The following KIAA1217 variants were observed in gnomAD, a reference collection of about 807,000 sequenced individuals.
KIAA1217 encodes the protein KIAA1217, also known as sickle tail protein homolog.
KIAA1217 carries 88 observed loss-of-function variants against 163.9 expected under a neutral mutation model. The observed-to-expected ratio is 0.54, with a 90% CI of 0.45 to 0.64. The LOEUF (loss-of-function observed/expected upper bound fraction) is 0.64, where lower values mean the gene tolerates loss of function less well. KIAA1217 is among the 30% of genes least tolerant of loss of function. The pLI, the probability that KIAA1217 is intolerant of heterozygous loss-of-function variation, is 0.00. For missense variants in KIAA1217, 2,372 were observed against 2,475.0 expected (o/e 0.96, Z 0.88); for synonymous variants, 903 against 923.1 (o/e 0.98, Z 0.39).
chr10:23,778,005 T>G (rs1835081190), intron 1 of KIAA1217, among the ~76,000 whole-genome samples: 1 of 151,462 alleles, frequency 6.6e-6, no homozygotes, highest in South Asian at 2.1e-4. Flanking sequence ...TGCAGTGGTG[T>G]GATCTCGGCT....
At chr10:24,396,126 C>T (rs892276314) in intron 3 of KIAA1217, among the ~76,000 whole-genome samples, 1 of 152,172 alleles carries the variant, frequency 6.6e-6, no homozygotes, top group Non-Finnish European at 1.5e-5. Flanking sequence ...CACCTGAGGT[C>T]AGGAGTTCGA....
chr10:24,371,121 A>G (rs532055060), intron 2 of KIAA1217, among the ~76,000 whole-genome samples: 9 of 152,294 alleles, frequency 5.9e-5, no homozygotes, highest in Admixed American at 3.3e-4. Context: ...GTCAGAGAGC[A>G]GTCAATCTGA....
intron 8 of KIAA1217, among the ~76,000 whole-genome samples, chr10:24,499,769 G>A (rs930929548): frequency 1.1e-4 from 17 of 151,974 alleles, no homozygotes; most frequent in Admixed American, 2.6e-4. Context: ...CAAAAAGCTC[G>A]CTATCGGGTC....
intron 5 of KIAA1217, among the ~76,000 whole-genome samples, chr10:24,440,417 T>TTC (rs1158385139): frequency 2.0e-5 from 3 of 152,202 alleles, no homozygotes; most frequent in African/African-American, 7.2e-5. Flanking sequence ...GTGCTGAGAG[T>TTC]TCTGTTCCTA....
chr10:23,862,937 CT>C (rs1446865668), intron 1 of KIAA1217, among the ~76,000 whole-genome samples: 1 of 152,078 alleles, frequency 6.6e-6, no homozygotes, highest in Non-Finnish European at 1.5e-5. Flanking sequence ...GAAGTCAGAC[CT>C]TAACAAGGAT....
chr10:23,979,694 A>T (rs1340016433), intron 1 of KIAA1217, among the ~76,000 whole-genome samples: 2 of 152,110 alleles, frequency 1.3e-5, no homozygotes, highest in Non-Finnish European at 2.9e-5. Context: ...CCTCTCTCAC[A>T]GGCTTGTCTG....
At chr10:23,773,028 A>T (rs1834860949) in intron 1 of KIAA1217, among the ~76,000 whole-genome samples, 2 of 151,990 alleles carry the variant, frequency 1.3e-5, no homozygotes, top group African/African-American at 4.8e-5. Flanking sequence ...GTGGGGTTTT[A>T]TTTTATTTTT....
At chr10:24,396,116 C>T (rs1480960389) in intron 3 of KIAA1217, among the ~76,000 whole-genome samples, 1 of 152,162 alleles carries the variant, frequency 6.6e-6, no homozygotes, top group East Asian at 1.9e-4. Context: ...GTGGGTGGAT[C>T]ACCTGAGGTC....
At chr10:24,082,116 C>T (rs2061556576) in intron 2 of KIAA1217, among the ~76,000 whole-genome samples, 2 of 152,160 alleles carry the variant, frequency 1.3e-5, no homozygotes, top group Non-Finnish European at 2.9e-5. Flanking sequence ...TTTTGTAATT[C>T]AGCCTCTGGT....
At chr10:23,941,592 C>A (rs1843769471) in intron 1 of KIAA1217, among the ~76,000 whole-genome samples, 1 of 152,086 alleles carries the variant, frequency 6.6e-6, no homozygotes, top group Non-Finnish European at 1.5e-5. Context: ...TTGAGGATGA[C>A]CATCTCGGGG....
chr10:24,222,404 G>T (rs547845961), intron 2 of KIAA1217, among the ~76,000 whole-genome samples: 12 of 152,314 alleles, frequency 7.9e-5, no homozygotes, highest in African/African-American at 2.6e-4. Context: ...AAGGGGTCCT[G>T]ATCCAGACCC....
intron 2 of KIAA1217, among the ~76,000 whole-genome samples, chr10:24,045,953 T>A (rs939365035): frequency 6.6e-6 from 1 of 152,102 alleles, no homozygotes; most frequent in Admixed American, 6.6e-5. Flanking sequence ...AAATGGAAAG[T>A]GAATGTTGAA....
intron 10 of KIAA1217, among the ~76,000 whole-genome samples, chr10:24,519,790 C>A (rs997621548): frequency 1.3e-5 from 2 of 152,110 alleles, no homozygotes; most frequent in Non-Finnish European, 2.9e-5. Flanking sequence ...TCCTACCCCA[C>A]CCTCCCACCT....
At chr10:24,097,428 C>T (rs1486193055) in intron 2 of KIAA1217, among the ~76,000 whole-genome samples, 5 of 152,082 alleles carry the variant, frequency 3.3e-5, no homozygotes, top group Non-Finnish European at 7.4e-5. Context: ...TGGCTTATGC[C>T]TGTAGTCCCA....
intron 1 of KIAA1217, among the ~76,000 whole-genome samples, chr10:23,876,909 G>A (rs895145656): frequency 6.6e-6 from 1 of 151,866 alleles, no homozygotes; most frequent in African/African-American, 2.4e-5. Context: ...TAGGGTGAGC[G>A]GTGTCATAGT....
chr10:23,894,336 C>T (rs61849190), intron 1 of KIAA1217, among the ~76,000 whole-genome samples: 33 of 151,974 alleles, frequency 2.2e-4, no homozygotes, highest in African/African-American at 7.0e-4. Flanking sequence ...AGCATTCTTA[C>T]ACACCAGCAA....
intron 5 of KIAA1217, among the ~76,000 whole-genome samples, chr10:24,456,827 C>G (rs1038478267): frequency 4.6e-5 from 7 of 151,618 alleles, no homozygotes; most frequent in Non-Finnish European, 8.8e-5. Flanking sequence ...CTCAGCCTCC[C>G]GAGTAGCTGG....
At chr10:24,240,262 G>A (rs2072902867) in intron 2 of KIAA1217, among the ~76,000 whole-genome samples, 1 of 152,190 alleles carries the variant, frequency 6.6e-6, no homozygotes, top group Non-Finnish European at 1.5e-5. Flanking sequence ...CACAAAGAAA[G>A]CCTATTGTTT....
chr10:24,058,163 A>G (rs1370515041), intron 2 of KIAA1217, among the ~76,000 whole-genome samples: 1 of 152,090 alleles, frequency 6.6e-6, no homozygotes, highest in African/African-American at 2.4e-5. Context: ...TCCCTTCCCC[A>G]TTGTGTACCT....
Sources: allele counts gnomAD v4.1 joint callset (sites outside exome capture counted in the v4.1 genomes callset), GRCh38; gene constraint gnomAD v4.1.1; transcripts MANE v1.5; gene names NCBI Gene and HGNC (gene_info 2026-07-23, HGNC 2026-07-21).